RBPJ: variants seen among roughly 807,000 people sequenced by gnomAD.
RBPJ encodes the protein recombining binding protein suppressor of hairless.
RBPJ carries 9 observed loss-of-function variants against 67.8 expected under a neutral mutation model. The ratio of observed to expected loss-of-function variants is 0.13; its 90% CI spans 0.08 to 0.23. The LOEUF (loss-of-function observed/expected upper bound fraction) is 0.23. Ranked by LOEUF, RBPJ falls within the 10% of genes least tolerant of loss-of-function variation. The pLI is 1.00. For synonymous variants in RBPJ, 198 were observed against 203.3 expected (o/e 0.97, Z 0.22); for missense variants, 305 against 595.6 (o/e 0.51, Z 5.08).
At chr4:26,144,467 G>A in the RBPJ span, among the ~76,000 whole-genome samples, 7 of 151,602 alleles carry the variant, frequency 4.6e-5, no homozygotes, top group Middle Eastern at 3.2e-3. Context: ...ATGGGTTTTC[G>A]CCTTGTTGGC....
the RBPJ span, among the ~76,000 whole-genome samples, chr4:26,146,098 G>C: frequency 7.9e-5 from 12 of 152,112 alleles, no homozygotes; most frequent in African/African-American, 2.9e-4. Context: ...AACCATGCCC[G>C]GCTACTTTTT....
chr4:26,401,798 T>C (rs1334868378), intron 2 of RBPJ, among the ~76,000 whole-genome samples: 1 of 152,200 alleles, frequency 6.6e-6, no homozygotes, highest in East Asian at 1.9e-4. Flanking sequence ...ATAGTAGCTC[T>C]TCAAGTTTTG....
At chr4:26,319,230 C>A (rs1383861977), upstream of RBPJ, among the ~76,000 whole-genome samples, 2 of 152,054 alleles carry the variant, frequency 1.3e-5, no homozygotes, top group Non-Finnish European at 2.9e-5. Context: ...CCCGGGAGAT[C>A]GGCCTGGGGC....
At chr4:26,403,292 A>G (rs764521506) in intron 2 of RBPJ, among the ~76,000 whole-genome samples, 5 of 151,018 alleles carry the variant, frequency 3.3e-5, no homozygotes, top group Non-Finnish European at 7.4e-5. Context: ...ACTACACGCT[A>G]CCACTTTTTT....
At chr4:26,241,180 G>C (rs1374390486) in intron 1 of RBPJ, among the ~76,000 whole-genome samples, 1 of 147,850 alleles carries the variant, frequency 6.8e-6, no homozygotes, top group African/African-American at 2.5e-5. Flanking sequence ...CTGGGCGACA[G>C]AGCAAGACCC....
At chr4:26,393,339 C>A (rs955450783) in intron 2 of RBPJ, among the ~76,000 whole-genome samples, 3 of 151,760 alleles carry the variant, frequency 2.0e-5, no homozygotes, top group African/African-American at 7.3e-5. Flanking sequence ...AGAAATTTTC[C>A]CCTTTGATAA....
intron 4 of RBPJ, among the ~76,000 whole-genome samples, chr4:26,418,992 AT>A (rs1734857155): frequency 6.6e-6 from 1 of 151,924 alleles, no homozygotes; most frequent in South Asian, 2.1e-4. Context: ...ATCTTTATTC[AT>A]TTTGAGACAG....
rs980513991 is a variant in RBPJ, at chr4:26,346,030, C to G, written c.20+24982C>G. Among the ~76,000 whole-genome samples the G allele has an allele frequency of 1.3e-5, 2 of 152,132 alleles. 1 individual carries two copies. The highest frequency in any genetic ancestry group is 4.1e-4 in the South Asian group (2 of 4,826). On this transcript the variant is annotated intron_variant, in intron 1 of 10. Coordinates refer to ENST00000355476, the MANE Select transcript of RBPJ (RefSeq NM_015874.6). ...CATTGGAAATTAAAACACACACACA[C>G]ACACAAACACAAATTGGGAATCTAC...
chr4:26,142,324 C>T, the RBPJ span, among the ~76,000 whole-genome samples: 1 of 152,196 alleles, frequency 6.6e-6, no homozygotes, highest in Admixed American at 6.5e-5. Flanking sequence ...GATATGCCAC[C>T]ACTCAGAGGC....
intron 1 of RBPJ, among the ~76,000 whole-genome samples, chr4:26,255,197 G>A (rs926707871): frequency 1.4e-5 from 2 of 144,298 alleles, no homozygotes; most frequent in African/African-American, 5.2e-5. Context: ...GAGGTCAGGA[G>A]ATCGGGACCA....
intron 1 of RBPJ, among the ~76,000 whole-genome samples, chr4:26,343,838 C>T (rs766395109): frequency 4.0e-5 from 6 of 149,194 alleles, no homozygotes; most frequent in Non-Finnish European, 7.4e-5. Flanking sequence ...GCAACCTCCA[C>T]CTCCTGGGCT....
At chr4:26,113,802 G>T in the RBPJ span, 1 of 241,896 alleles carries the variant, frequency 4.1e-6, no homozygotes, top group South Asian at 7.0e-5. Flanking sequence ...AAACATCAGA[G>T]AATTCACACA....
intron 1 of RBPJ, among the ~76,000 whole-genome samples, chr4:26,215,204 GA>G (rs1718649261): frequency 3.2e-5 from 1 of 31,640 alleles, no homozygotes; most frequent in Non-Finnish European, 5.4e-5. Flanking sequence ...GAAAAAGAGA[GA>G]GAAAGAAAGA....
At chr4:26,213,613 G>A (rs1223695948) in intron 1 of RBPJ, among the ~76,000 whole-genome samples, 1 of 152,164 alleles carries the variant, frequency 6.6e-6, no homozygotes, top group East Asian at 1.9e-4. Context: ...GCGGGGGCTA[G>A]ATCCAGCATG....
At chr4:26,338,735 C>T (rs188529272) in intron 1 of RBPJ, among the ~76,000 whole-genome samples, 156 of 151,910 alleles carry the variant, frequency 1.0e-3, no homozygotes, top group Admixed American at 2.3e-3. Flanking sequence ...CCACCCTGCC[C>T]GGCTAATTTT....
intron 1 of RBPJ, among the ~76,000 whole-genome samples, chr4:26,299,554 A>T (rs896741134): frequency 6.6e-6 from 1 of 152,194 alleles, no homozygotes; most frequent in Non-Finnish European, 1.5e-5. Context: ...TGTGGGAGAA[A>T]GAAAGGAAAA....
At chr4:26,258,538 T>C (rs1720420534) in intron 1 of RBPJ, among the ~76,000 whole-genome samples, 1 of 152,228 alleles carries the variant, frequency 6.6e-6, no homozygotes, top group Non-Finnish European at 1.5e-5. Flanking sequence ...TCATTAGCTG[T>C]GGCCATGATG....
At chr4:26,209,052 C>T (rs1718267882) in intron 1 of RBPJ, among the ~76,000 whole-genome samples, 1 of 148,430 alleles carries the variant, frequency 6.7e-6, no homozygotes, top group Admixed American at 6.7e-5. Flanking sequence ...GATATAAAGA[C>T]AGTATGCTAG....
chr4:26,415,445 T>TG, intron 3 of RBPJ, 30 bp from the exon 4 acceptor site: 2 of 1,482,792 alleles, frequency 1.3e-6, no homozygotes, highest in Non-Finnish European at 1.8e-6. Context: ...TTTTGCTTCT[T>TG]GTTTTTTTTT....
Sources: allele counts gnomAD v4.1 joint callset (sites outside exome capture counted in the v4.1 genomes callset), GRCh38; gene constraint gnomAD v4.1.1; transcripts MANE v1.5; gene names NCBI Gene and HGNC (gene_info 2026-07-23, HGNC 2026-07-21).